ARMH3: variants seen among roughly 807,000 people sequenced by gnomAD.
ARMH3 encodes armadillo like helical domain containing 3.
ARMH3 carries 60 observed loss-of-function variants against 99.1 expected under a neutral mutation model. The ratio of observed to expected loss-of-function variants is 0.61; its 90% confidence interval spans 0.49 to 0.75. The LOEUF is 0.75. Among genes scored for constraint, ARMH3 ranks in the 30% least tolerant of loss-of-function variants. The probability of loss-of-function intolerance (pLI) is 0.00; values close to 1 mark genes in which losing one functional copy is unlikely to be tolerated. For synonymous variants in ARMH3, 285 were observed against 292.8 expected (o/e 0.97, Z 0.27); for missense variants, 679 against 843.1 (o/e 0.81, Z 2.41).
intron 1 of ARMH3, among the ~76,000 whole-genome samples, chr10:102,049,241 T>C (rs977952049): frequency 6.6e-6 from 1 of 152,122 alleles, no homozygotes; most frequent in African/African-American, 2.4e-5. Flanking sequence ...AAGGATTCTA[T>C]AGATCCAAAA....
intron 23 of ARMH3, among the ~76,000 whole-genome samples, chr10:101,916,681 A>C (rs117782495): frequency 4.9e-3 from 748 of 152,298 alleles, no homozygotes; most frequent in Non-Finnish European, 7.9e-3. Flanking sequence ...GTAAATCATT[A>C]TTTCTGAGTG....
At chr10:102,013,898 G>T in intron 9 of ARMH3, 70 bp downstream of exon 9, 1 of 1,269,854 alleles carries the variant, frequency 7.9e-7, no homozygotes, top group Non-Finnish European at 1.1e-6. Context: ...TGTTCTAAAT[G>T]TACTTTCACT....
intron 23 of ARMH3, among the ~76,000 whole-genome samples, chr10:101,932,220 G>A (rs377632727): frequency 1.3e-5 from 2 of 152,178 alleles, no homozygotes; most frequent in Non-Finnish European, 1.5e-5. Context: ...CTTCACACCC[G>A]CTGGGATGGC....
intron 14 of ARMH3, 39 bp from the exon 15 acceptor site, chr10:102,002,111 T>C (rs777983810): frequency 6.2e-7 from 1 of 1,608,848 alleles, no homozygotes; most frequent in Admixed American, 1.7e-5. Flanking sequence ...GCCTGCAACA[T>C]ATTCCATCTA....
At chr10:102,021,714 A>AT (rs1213965873) in intron 8 of ARMH3, among the ~76,000 whole-genome samples, 1 of 151,810 alleles carries the variant, frequency 6.6e-6, no homozygotes, top group East Asian at 1.9e-4. Context: ...CGCCCGGCTA[A>AT]TTTTTGTATT....
intron 14 of ARMH3, among the ~76,000 whole-genome samples, chr10:102,005,145 T>C (rs1208532013): frequency 6.6e-6 from 1 of 151,936 alleles, no homozygotes; most frequent in African/African-American, 2.4e-5. Flanking sequence ...TGCGGTGAGC[T>C]GAGATCGCAC....
At chr10:101,963,255 G>A (rs1412029538) in intron 20 of ARMH3, among the ~76,000 whole-genome samples, 2 of 151,112 alleles carry the variant, frequency 1.3e-5, no homozygotes, top group Non-Finnish European at 2.9e-5. Context: ...CCATTCTCCT[G>A]CCTCAGCCTC....
intron 23 of ARMH3, among the ~76,000 whole-genome samples, chr10:101,928,268 C>T (rs543115345): frequency 5.3e-5 from 8 of 152,248 alleles, no homozygotes; most frequent in African/African-American, 1.9e-4. Flanking sequence ...AAATCTGAGA[C>T]TTTACACAGG....
At chr10:101,871,901 T>G (rs888294676) in intron 24 of ARMH3, among the ~76,000 whole-genome samples, 2 of 151,924 alleles carry the variant, frequency 1.3e-5, no homozygotes, top group Non-Finnish European at 2.9e-5. Flanking sequence ...CTCAGGAGGC[T>G]GAGGCATGAG....
chr10:101,911,642 G>A (rs545173289), intron 23 of ARMH3, among the ~76,000 whole-genome samples: 2 of 152,244 alleles, frequency 1.3e-5, no homozygotes, highest in South Asian at 4.1e-4. Flanking sequence ...GAGGCAGAAG[G>A]ATCCCTCGAG....
At chr10:101,875,961 T>C (rs1301089742) in intron 24 of ARMH3, among the ~76,000 whole-genome samples, 1 of 152,040 alleles carries the variant, frequency 6.6e-6, no homozygotes, top group Non-Finnish European at 1.5e-5. Flanking sequence ...TTAGAACTTC[T>C]CTTCTGGCTT....
chr10:101,857,223 C>T (rs1345027119), intron 24 of ARMH3, among the ~76,000 whole-genome samples: 1 of 152,066 alleles, frequency 6.6e-6, no homozygotes, highest in East Asian at 1.9e-4. Flanking sequence ...TTTGGAAGGC[C>T]GAGGTGGGCG....
At chr10:101,919,107 G>C (rs543079589) in intron 23 of ARMH3, among the ~76,000 whole-genome samples, 1 of 152,308 alleles carries the variant, frequency 6.6e-6, no homozygotes, top group East Asian at 1.9e-4. Flanking sequence ...CTCAGCAGAA[G>C]AAAACAGAGC....
intron 13 of ARMH3, 97 bp downstream of exon 13, chr10:102,009,277 A>C (rs2066577049): frequency 9.1e-7 from 1 of 1,102,854 alleles, no homozygotes; most frequent in East Asian, 2.4e-5. Flanking sequence ...AATGCAAAGC[A>C]GGGTTTAAAC....
intron 22 of ARMH3, among the ~76,000 whole-genome samples, chr10:101,948,249 G>A (rs1337145403): frequency 6.6e-6 from 1 of 152,078 alleles, no homozygotes; most frequent in African/African-American, 2.4e-5. Context: ...ATATAAGCCA[G>A]CCACAGTGGT....
intron 24 of ARMH3, among the ~76,000 whole-genome samples, chr10:101,879,407 T>C (rs993251272): frequency 7.9e-5 from 12 of 151,902 alleles, no homozygotes; most frequent in African/African-American, 2.9e-4. Context: ...TGGAGTGCAA[T>C]GGCGTAATCT....
chr10:101,984,100 C>A (rs1590131480), intron 19 of ARMH3, among the ~76,000 whole-genome samples: 1 of 152,250 alleles, frequency 6.6e-6, no homozygotes, highest in South Asian at 2.1e-4. Flanking sequence ...AGGGACTAAA[C>A]CCTCCCCACA....
rs1336015300 is a variant in ARMH3 at position 101,956,663 on chromosome 10, T to A, written c.1639A>T (p.Ser547Cys). The A allele has an allele frequency of 6.2e-7, 1 of 1,613,696 alleles. No homozygotes were observed. ...ATCTCATAGTAAAGTTCATCATAGC[T>A]GCTGGGGGTTGGCAGAAATGTGTCG... Reference protein sequence around the residue: ...YGDTFLPTPSSYDELYYEIIR... With the variant: ...YGDTFLPTPSCYDELYYEIIR... The change falls in exon 22 of 26, where the codon AGC becomes TGC. Residue 547 changes from serine to cysteine, a missense_variant. Around this residue, in one of 3 missense-constraint regions of ARMH3, gnomAD observed 389 missense variants for 456.5 expected, o/e 0.85. Transcript: ENST00000370033.
intron 23 of ARMH3, among the ~76,000 whole-genome samples, chr10:101,908,376 G>C (rs532950535): frequency 6.6e-6 from 1 of 152,220 alleles, no homozygotes; most frequent in Non-Finnish European, 1.5e-5. Context: ...ATGTGATAAC[G>C]TGAGTTACAG....
Sources: gnomAD v4.1 joint callset for allele counts (sites outside exome capture counted in the v4.1 genomes callset) on GRCh38, gnomAD v4.1.1 for gene constraint, gnomAD v4.1.1 regional missense constraint, MANE v1.5 for transcripts, NCBI Gene and HGNC (gene_info 2026-07-23, HGNC 2026-07-21) for gene names.